SAMD4A: variants seen among roughly 807,000 people sequenced by gnomAD.
The protein encoded by SAMD4A is sterile alpha motif domain containing 4A.
A neutral mutation model predicts 81.3 loss-of-function variants in SAMD4A; 33 were observed. The ratio of observed to expected loss-of-function variants is 0.41; its 90% CI spans 0.31 to 0.54. SAMD4A has a LOEUF of 0.54. SAMD4A is among the 20% of genes least tolerant of loss of function. SAMD4A has a pLI of 0.37. For missense variants in SAMD4A, 854 were observed against 951.1 expected (o/e 0.90, Z 1.34); for synonymous variants, 389 against 382.1 (o/e 1.02, Z -0.21).
At chr14:54,615,054 G>A (rs965979990) in intron 2 of SAMD4A, among the ~76,000 whole-genome samples, 27 of 152,190 alleles carry the variant, frequency 1.8e-4, no homozygotes, top group African/African-American at 6.3e-4. Context: ...GGAGATGGCT[G>A]AGAAGTTGAG....
At chr14:54,698,295 A>G (rs948048718) in intron 2 of SAMD4A, among the ~76,000 whole-genome samples, 3 of 152,232 alleles carry the variant, frequency 2.0e-5, no homozygotes, top group Non-Finnish European at 4.4e-5. Context: ...GTATGCATTT[A>G]TATGTAATTC....
intron 11 of SAMD4A, among the ~76,000 whole-genome samples, chr14:54,778,711 GA>G (rs1300448716): frequency 2.6e-4 from 40 of 152,206 alleles, no homozygotes; most frequent in African/African-American, 9.4e-4. Context: ...CAAAGCACAG[GA>G]AAAAGCCCGC....
intron 2 of SAMD4A, among the ~76,000 whole-genome samples, chr14:54,620,540 A>T (rs192431786): frequency 6.6e-6 from 1 of 152,216 alleles, no homozygotes; most frequent in Admixed American, 6.5e-5. Flanking sequence ...CCACAGATTT[A>T]TATGGCTCTG....
intron 2 of SAMD4A, among the ~76,000 whole-genome samples, chr14:54,592,552 C>T (rs545965782): frequency 1.2e-4 from 19 of 152,212 alleles, no homozygotes; most frequent in Admixed American, 9.8e-4. Context: ...CTCTGCCTCC[C>T]GGGTTCACGC....
intron 2 of SAMD4A, among the ~76,000 whole-genome samples, chr14:54,669,143 G>T (rs1199587949): frequency 6.6e-6 from 1 of 152,160 alleles, no homozygotes; most frequent in East Asian, 1.9e-4. Context: ...CTACAGCTTG[G>T]ATCATCATGA....
At position 54,678,433 on chromosome 14, in the gene SAMD4A, T is replaced by TTGTGTGTG. The variant is rs769193366; in HGVS notation, c.197-23553_197-23546dup. The stretch of plus-strand genomic sequence containing the variant: ...GTGTCGTATTTTGGGCAGTCACCAT[T>TTGTGTGTG]TGTGTGTGTGTGTGTGTGTGTGTGT... On this transcript the variant is annotated intron_variant, in intron 2 of 12. Transcript: ENST00000554335. Among the ~76,000 whole-genome samples the TTGTGTGTG allele has an allele frequency of 5.9e-3, 478 of 81,226 alleles. 44 individuals are homozygous for TTGTGTGTG. Among genetic ancestry groups the TTGTGTGTG allele is most frequent in the Middle Eastern group, 7.9e-3 (1 of 126 alleles). The allele number at this position is 81,226 out of a possible 152,430, so 53.3% of individuals were successfully genotyped here. A position where few individuals can be genotyped will look rare whatever the true frequency, so the allele number is the denominator to read the frequency against.
intron 4 of SAMD4A, among the ~76,000 whole-genome samples, chr14:54,737,527 A>ACTCT (rs4026223): frequency 1.9e-4 from 22 of 117,424 alleles, no homozygotes; most frequent in East Asian, 4.8e-4. Context: ...AGGTCAACCC[A>ACTCT]CTCTCTCTCT....
At chr14:54,736,987 G>C (rs1398474221) in intron 3 of SAMD4A, 37 bp from the exon 4 acceptor site, 1 of 1,606,354 alleles carries the variant, frequency 6.2e-7, no homozygotes, top group East Asian at 2.2e-5. Flanking sequence ...GGATAAAGGG[G>C]GGGGAATAAC....
At chr14:54,748,989 G>T in intron 5 of SAMD4A, 65 bp downstream of exon 5, 1 of 1,172,700 alleles carries the variant, frequency 8.5e-7, no homozygotes, top group East Asian at 2.6e-5. Context: ...TTCAAGGCCT[G>T]GACAACCTTG....
At chr14:54,695,479 G>C (rs2036550818) in intron 2 of SAMD4A, among the ~76,000 whole-genome samples, 1 of 152,218 alleles carries the variant, frequency 6.6e-6, no homozygotes, top group South Asian at 2.1e-4. Context: ...AGTGAACCAA[G>C]ACAGCAAGGT....
chr14:54,706,298 AAG>A (rs2036854893), intron 3 of SAMD4A, among the ~76,000 whole-genome samples: 1 of 54,818 alleles, frequency 1.8e-5, no homozygotes. Flanking sequence ...AAAAAAAAAG[AAG>A]AAGAAGAAGA....
At chr14:54,784,462 T>C in intron 11 of SAMD4A, 75 bp from the exon 12 acceptor site, 2 of 1,613,004 alleles carry the variant, frequency 1.2e-6, no homozygotes, top group Middle Eastern at 1.6e-4. Flanking sequence ...ACCAGACCTT[T>C]CTCCTGAAGG....
rs537169700 is a variant in SAMD4A at position 54,644,553 on chromosome 14, C to T, written c.197-57509C>T. Among the ~76,000 whole-genome samples, 437 of 152,276 alleles carry T rather than the reference C, an allele frequency of 2.9e-3. 1 individual carries two copies. Among genetic ancestry groups the T allele is most frequent in the African/African-American group, 0.01 (416 of 41,552 alleles). On this transcript the variant is annotated intron_variant, in intron 2 of 12. Transcript: ENST00000554335. ...AAGAGGCTACATGCAATTAGTCACACAGTAATTAGAGGAGTCAGATTCAGG... is the reference window on the plus strand; with the variant it reads ...AAGAGGCTACATGCAATTAGTCACATAGTAATTAGAGGAGTCAGATTCAGG...
rs114827613 is a variant in SAMD4A, at chr14:54,751,618, C to T, written c.1176+81C>T. On this transcript the variant is annotated intron_variant, in intron 6 of 12. Transcript: ENST00000554335. Reference sequence around the variant, plus strand: ...GAAAATTCTCCACTGGAAGTGTCATCGACAGACCTTCTAGAGCGTACCATG... The same window carrying T: ...GAAAATTCTCCACTGGAAGTGTCATTGACAGACCTTCTAGAGCGTACCATG... 1.2e-3 allele frequency: 1,043 copies of T among 896,380 alleles called. 7 individuals are homozygous for T. In the African/African-American group the frequency reaches 0.013, roughly 11 times the overall value. The allele number at this position is 896,380 out of a possible 1,614,324, so 55.5% of individuals were successfully genotyped here.
At chr14:54,702,645 C>G in intron 3 of SAMD4A, 65 bp downstream of exon 3, 1 of 1,551,434 alleles carries the variant, frequency 6.4e-7, no homozygotes, top group Non-Finnish European at 8.8e-7. Context: ...GTGGCATGTC[C>G]TGCTGACAGT....
At chr14:54,767,527 C>T (rs991423256) in intron 8 of SAMD4A, among the ~76,000 whole-genome samples, 1 of 152,238 alleles carries the variant, frequency 6.6e-6, no homozygotes, top group Non-Finnish European at 1.5e-5. Context: ...GCTCTTGCCG[C>T]TTTATGAACC....
In SAMD4A at chr14:54,776,507, T is replaced by G; in HGVS notation, c.2011T>G (p.Ser671Ala). 1 of 1,589,902 alleles carries G rather than the reference T, an allele frequency of 6.3e-7. No individual in the cohort carries two copies. The highest frequency in any genetic ancestry group is 1.1e-5 in the South Asian group (1 of 87,458). The change falls in exon 11 of 13, where the codon TCC (serine) becomes GCC (alanine). Residue 671 changes from serine to alanine, a missense_variant. Physicochemically the swap from Ser to Ala is moderately conservative, Grantham distance 99. This residue lies in a region of SAMD4A where 428 missense variants were observed against 471.2 expected (regional missense o/e 0.91). Coordinates refer to ENST00000554335, the MANE Select transcript of SAMD4A (RefSeq NM_015589.6). ...GACCCGCTCGCTGCCCGTGCACACT[T>G]CCCCACAGAACATGCTGATGTTCCA... ...QRTRSLPVHT[S>A]PQNMLMFQQP...
At position 54,702,085 on chromosome 14, in the gene SAMD4A, G is replaced by A; in HGVS notation, c.220G>A (p.Glu74Lys). The A allele has an allele frequency of 6.2e-7, 1 of 1,614,076 alleles. No homozygotes were observed. The highest frequency in any genetic ancestry group is 8.5e-7 in the Non-Finnish European group (1 of 1,179,950). ...SPGIINQWQQESKDKVISLLL... is the reference protein window; with the variant it reads ...SPGIINQWQQKSKDKVISLLL... Reference sequence around the variant, plus strand: ...AGGAATCATTAACCAATGGCAACAGGAATCCAAGGATAAAGTGATTTCCCT... The same window carrying A: ...AGGAATCATTAACCAATGGCAACAGAAATCCAAGGATAAAGTGATTTCCCT... Residue 74 changes from glutamate (E) to lysine (K), a missense_variant, in exon 3 of 13, where the codon GAA becomes AAA. Around this residue, in one of 3 missense-constraint regions of SAMD4A, gnomAD observed 387 missense variants for 405.8 expected, o/e 0.95. Coordinates refer to ENST00000554335, the MANE Select transcript of SAMD4A (RefSeq NM_015589.6).
At chr14:54,676,338 C>T (rs1295365750) in intron 2 of SAMD4A, among the ~76,000 whole-genome samples, 1 of 152,098 alleles carries the variant, frequency 6.6e-6, no homozygotes, top group Non-Finnish European at 1.5e-5. Flanking sequence ...AGATGTTAAC[C>T]ATTTTATGCT....
Sources: allele counts gnomAD v4.1 joint callset (sites outside exome capture counted in the v4.1 genomes callset), GRCh38; gene constraint gnomAD v4.1.1; regional missense constraint gnomAD v4.1.1; transcripts MANE v1.5; gene names NCBI Gene and HGNC (gene_info 2026-07-23, HGNC 2026-07-21).